AHI1: variants seen among roughly 807,000 people sequenced by gnomAD.
AHI1 encodes jouberin.
AHI1 carries 123 observed loss-of-function variants against 149.3 expected under a neutral mutation model. The ratio of observed to expected loss-of-function variants is 0.82; its 90% CI spans 0.71 to 0.96. The LOEUF (loss-of-function observed/expected upper bound fraction) is 0.96. AHI1 is among the 40% of genes least tolerant of loss of function. The pLI, the probability that AHI1 is intolerant of heterozygous loss-of-function variation, is 0.00. For missense variants in AHI1, 1,439 were observed against 1,422.7 expected (o/e 1.01, Z -0.18); for synonymous variants, 475 against 459.8 (o/e 1.03, Z -0.42).
At chr6:135,392,549 G>A (rs938413288) in intron 23 of AHI1, among the ~76,000 whole-genome samples, 3 of 152,050 alleles carry the variant, frequency 2.0e-5, no homozygotes, top group Non-Finnish European at 2.9e-5. Flanking sequence ...GGCAAATATC[G>A]ACAGATGTGA....
chr6:135,401,291 T>C (rs1779992124), intron 22 of AHI1, among the ~76,000 whole-genome samples: 1 of 152,228 alleles, frequency 6.6e-6, no homozygotes, highest in South Asian at 2.1e-4. Context: ...AACTACCTTA[T>C]TTGTTTCCTT....
chr6:135,387,660 C>T lies in AHI1; in HGVS notation c.3109+7116G>A, dbSNP rs73777508. ...CATTATTTGTCTCTTTGACATGTTC[C>T]TTTTCCTATAATCATCACTTAACAA... On this transcript the variant is annotated intron_variant, in intron 23 of 28. Coordinates refer to ENST00000265602, the MANE Select transcript of AHI1 (RefSeq NM_001134831.2). 1.2e-4 allele frequency: 73 copies of T among 584,234 alleles called. No individual in the cohort carries two copies. The African/African-American group carries it at 1.3e-3, about 11-fold the overall frequency. 36.2% of individuals were successfully genotyped at this position (584,234 alleles called of 1,614,324 possible).
At chr6:135,461,370 C>A (rs1389330529) in intron 8 of AHI1, among the ~76,000 whole-genome samples, 1 of 152,018 alleles carries the variant, frequency 6.6e-6, no homozygotes, top group Non-Finnish European at 1.5e-5. Context: ...TATCACTATA[C>A]ATTCCTGAAG....
chr6:135,353,598 A>G (rs1387664479), intron 24 of AHI1, among the ~76,000 whole-genome samples: 1 of 152,140 alleles, frequency 6.6e-6, no homozygotes, highest in Admixed American at 6.5e-5. Context: ...AATCTTGTCA[A>G]TCTACAGAAT....
chr6:135,292,267 A>G (rs1782458596), intron 27 of AHI1, among the ~76,000 whole-genome samples: 1 of 152,004 alleles, frequency 6.6e-6, no homozygotes, highest in Non-Finnish European at 1.5e-5. Context: ...TCGTGTCTAT[A>G]TGGTCTTAAA....
chr6:135,382,938 T>A (rs1321969038), intron 23 of AHI1, among the ~76,000 whole-genome samples: 34 of 111,316 alleles, frequency 3.1e-4, no homozygotes, highest in African/African-American at 8.0e-4. Context: ...TATATATATA[T>A]ATATATATAT....
intron 6 of AHI1, 103 bp from the exon 7 acceptor site, chr6:135,466,476 G>T: frequency 9.0e-7 from 1 of 1,107,558 alleles, no homozygotes; most frequent in South Asian, 1.6e-5. Context: ...TTATTGGGAG[G>T]ATTATTTAGT....
At chr6:135,304,472 G>GT (rs1355396610) in intron 26 of AHI1, among the ~76,000 whole-genome samples, 1 of 152,134 alleles carries the variant, frequency 6.6e-6, no homozygotes, top group Non-Finnish European at 1.5e-5. Flanking sequence ...GAAGCATACT[G>GT]TAACAAAAAG....
Position 135,455,737 on chromosome 6 carries a change from A to G in AHI1, c.1341T>C (p.Phe447=). ...AATTGGTCCATTCAATTCATACCTC[A>G]AAGAACAGGATGACTTTAGGACTCT... ...SDESPKVILF[F]EILDFLSVDE... Residue 447 remains phenylalanine, a synonymous_variant, in exon 10 of 29, where the codon TTT becomes TTC. Transcript: ENST00000265602. The G allele has an allele frequency of 6.3e-7, 1 of 1,584,936 alleles. No individual in the cohort carries two copies.
At chr6:135,289,900 T>C (rs771689107) in intron 28 of AHI1, among the ~76,000 whole-genome samples, 1 of 151,734 alleles carries the variant, frequency 6.6e-6, no homozygotes, top group South Asian at 2.1e-4. Flanking sequence ...GCCTTCCCTA[T>C]ACCCCAACCC....
At chr6:135,301,472 C>T (rs1783875857) in intron 26 of AHI1, 1 of 985,262 alleles carries the variant, frequency 1.0e-6, no homozygotes, top group Non-Finnish European at 1.2e-6. Flanking sequence ...GCTTGTTTGG[C>T]CTTTTTAGAT....
At chr6:135,424,462 A>C (rs1234409981) in intron 20 of AHI1, among the ~76,000 whole-genome samples, 1 of 152,028 alleles carries the variant, frequency 6.6e-6, no homozygotes, top group Non-Finnish European at 1.5e-5. Flanking sequence ...CGTTTCTCTG[A>C]CTAGTACTCT....
At chr6:135,291,062 T>C (rs950643656) in intron 27 of AHI1, among the ~76,000 whole-genome samples, 7 of 151,862 alleles carry the variant, frequency 4.6e-5, no homozygotes, top group Non-Finnish European at 1.5e-5. Context: ...TCAATGGCAA[T>C]AGCAAAATAT....
intron 24 of AHI1, among the ~76,000 whole-genome samples, chr6:135,352,023 G>C (rs1440271956): frequency 2.6e-5 from 4 of 152,118 alleles, no homozygotes; most frequent in Non-Finnish European, 5.9e-5. Context: ...TCATCTCCAA[G>C]TCTTTTTATA....
intron 23 of AHI1, among the ~76,000 whole-genome samples, chr6:135,359,000 T>C (rs17064474): frequency 0.034 from 5,182 of 152,296 alleles, 149 homozygotes; most frequent in African/African-American, 0.074. Flanking sequence ...AAGGCTGTCA[T>C]ATGCAGGACA....
chr6:135,386,766 G>C (rs1777656380), intron 23 of AHI1, among the ~76,000 whole-genome samples: 1 of 151,962 alleles, frequency 6.6e-6, no homozygotes, highest in Non-Finnish European at 1.5e-5. Context: ...GAGTAGCTGG[G>C]ATTACAGGCG....
chr6:135,334,025 T>C (rs759700053), intron 24 of AHI1, among the ~76,000 whole-genome samples: 2 of 152,256 alleles, frequency 1.3e-5, no homozygotes, highest in African/African-American at 4.8e-5. Flanking sequence ...CTCTTAGTAA[T>C]ATTAGACAAC....
intron 27 of AHI1, among the ~76,000 whole-genome samples, chr6:135,295,921 C>T (rs529769779): frequency 7.9e-5 from 12 of 152,302 alleles, no homozygotes; most frequent in African/African-American, 2.2e-4. Flanking sequence ...GGCACGATCT[C>T]GGCTCACTGC....
At chr6:135,419,416 T>C (rs1305546229) in intron 20 of AHI1, among the ~76,000 whole-genome samples, 2 of 152,102 alleles carry the variant, frequency 1.3e-5, no homozygotes. Flanking sequence ...GCCTAGTTCA[T>C]GAACTCTAAT....
Sources: allele counts gnomAD v4.1 joint callset (sites outside exome capture counted in the v4.1 genomes callset), GRCh38; gene constraint gnomAD v4.1.1; transcripts MANE v1.5; gene names NCBI Gene and HGNC (gene_info 2026-07-23, HGNC 2026-07-21).